Variants in ANTXR2 observed in about 807,000 individuals in gnomAD.
The protein encoded by ANTXR2 is ANTXR cell adhesion molecule 2.
Under a neutral mutation model 73.7 loss-of-function variants are expected in ANTXR2, and 44 were observed. The ratio of observed to expected loss-of-function variants is 0.60; its 90% CI spans 0.47 to 0.77. The LOEUF (loss-of-function observed/expected upper bound fraction) is 0.77, where lower values mean the gene tolerates loss of function less well. Ranked by LOEUF, ANTXR2 falls within the 30% of genes least tolerant of loss-of-function variation. The pLI, the probability that ANTXR2 is intolerant of heterozygous loss-of-function variation, is 0.00. For missense variants in ANTXR2, 604 were observed against 592.5 expected, an observed-to-expected ratio of 1.02 and a Z score of -0.20; for synonymous variants, 217 against 205.9, an observed-to-expected ratio of 1.05 and a Z score of -0.46.
At chr4:80,055,533 A>G (rs551103528) in intron 4 of ANTXR2, 66 bp from the exon 5 acceptor site, 6 of 1,342,766 alleles carry the variant, frequency 4.5e-6, no homozygotes, top group African/African-American at 1.5e-5. Flanking sequence ...ATGTTCCATC[A>G]AGCTGAATTT....
intron 10 of ANTXR2, among the ~76,000 whole-genome samples, chr4:80,031,263 CATGCACACACATGT>C (rs934648409): frequency 1.6e-5 from 1 of 61,278 alleles, no homozygotes; most frequent in Non-Finnish European, 5.3e-5. Flanking sequence ...TGGGTGTGTG[CATGCACACACATGT>C]GTGTGCGTGT....
At chr4:80,067,019 C>T (rs1326299942) in intron 3 of ANTXR2, among the ~76,000 whole-genome samples, 1 of 152,120 alleles carries the variant, frequency 6.6e-6, no homozygotes, top group Non-Finnish European at 1.5e-5. Context: ...TCCCGGCTAA[C>T]ACGGTGAAAC....
At chr4:80,044,833 A>G (rs1056419814) in intron 7 of ANTXR2, among the ~76,000 whole-genome samples, 1 of 151,918 alleles carries the variant, frequency 6.6e-6, no homozygotes, top group Non-Finnish European at 1.5e-5. Context: ...CTAATATAAA[A>G]AGTATATAGC....
intron 11 of ANTXR2, among the ~76,000 whole-genome samples, chr4:80,012,371 G>GA (rs897435787): frequency 1.1e-4 from 17 of 151,188 alleles, no homozygotes; most frequent in African/African-American, 3.9e-4. Context: ...ACATAAAGCT[G>GA]AAAAAATCAA....
chr4:80,003,103 T>C lies in ANTXR2; in HGVS notation c.1041+5418A>G, dbSNP rs556265101. ...TATAAATCAGGCTGCTATAAAGACA[T>C]ATGCACACGTATGTTTATTGCGGCA... On this transcript the variant is annotated intron_variant, in intron 12 of 16. Coordinates refer to ENST00000403729, the MANE Select transcript of ANTXR2 (RefSeq NM_058172.6). Among the ~76,000 whole-genome samples, 25 of 151,992 alleles carry C rather than the reference T, an allele frequency of 1.6e-4. No homozygotes were observed. In the South Asian group the frequency reaches 1.7e-3, roughly 10 times the overall value.
chr4:79,956,006 A>G (rs971159401), intron 16 of ANTXR2, among the ~76,000 whole-genome samples: 1 of 152,108 alleles, frequency 6.6e-6, no homozygotes, highest in African/African-American at 2.4e-5. Context: ...GTGCTTTTGA[A>G]CACGCTTGTC....
intron 7 of ANTXR2, among the ~76,000 whole-genome samples, chr4:80,050,831 C>T (rs1482865487): frequency 6.6e-6 from 1 of 151,640 alleles, no homozygotes; most frequent in Non-Finnish European, 1.5e-5. Flanking sequence ...GAGTACTCTT[C>T]CTAAACCTGC....
intron 7 of ANTXR2, among the ~76,000 whole-genome samples, chr4:80,053,118 ATCC>A (rs1196647206): frequency 2.0e-5 from 3 of 151,686 alleles, no homozygotes; most frequent in African/African-American, 4.8e-5. Context: ...GGGTCAAATT[ATCC>A]TCCTTTTTAC....
rs962170920 is a variant in ANTXR2 at position 79,902,389 on chromosome 4, A to G, written c.*5040T>C. Reference sequence around the variant, plus strand: ...TACTTGCTATGGGTAGCACAGGCATAGTAACTGTCAATTAAGACTTTTTTT... The same window carrying G: ...TACTTGCTATGGGTAGCACAGGCATGGTAACTGTCAATTAAGACTTTTTTT... On this transcript the variant is annotated 3_prime_UTR_variant, in exon 17 of 17. Transcript: ENST00000403729. 6.6e-6 allele frequency: 1 copy of G among 152,180 alleles called. No individual in the cohort carries two copies. Among genetic ancestry groups the G allele is most frequent in the African/African-American group, 2.4e-5 (1 of 41,458 alleles). 9.4% of individuals were successfully genotyped at this position (152,180 alleles called of 1,614,324 possible). A position where few individuals can be genotyped will look rare whatever the true frequency, so the allele number is the denominator to read the frequency against.
At chr4:79,965,189 A>C (rs1323248002) in intron 16 of ANTXR2, 1 of 152,252 alleles carries the variant, frequency 6.6e-6, no homozygotes, top group African/African-American at 2.4e-5. Context: ...AGGAACGCTG[A>C]TTTGTTTATA....
intron 12 of ANTXR2, among the ~76,000 whole-genome samples, chr4:80,008,103 C>G (rs911614653): frequency 2.6e-5 from 4 of 151,996 alleles, no homozygotes; most frequent in African/African-American, 9.7e-5. Context: ...CAGTAGCAAA[C>G]AGAGAAGGTC....
chr4:79,936,211 A>T (rs1417048086), intron 16 of ANTXR2, among the ~76,000 whole-genome samples: 1 of 152,240 alleles, frequency 6.6e-6, no homozygotes, highest in Non-Finnish European at 1.5e-5. Flanking sequence ...TCACTATTAC[A>T]CAAGTACTAC....
intron 16 of ANTXR2, among the ~76,000 whole-genome samples, chr4:79,976,435 G>T (rs1729639210): frequency 6.7e-6 from 1 of 149,464 alleles, no homozygotes; most frequent in Non-Finnish European, 1.5e-5. Flanking sequence ...ACACTGACCA[G>T]GGTGCCATGT....
intron 14 of ANTXR2, among the ~76,000 whole-genome samples, chr4:79,982,600 G>T (rs868820164): frequency 6.6e-6 from 1 of 152,076 alleles, no homozygotes; most frequent in Non-Finnish European, 1.5e-5. Flanking sequence ...CAAACAACAA[G>T]AACTTGCCTA....
chr4:79,961,757 T>C (rs1401101132), intron 16 of ANTXR2, among the ~76,000 whole-genome samples: 1 of 152,162 alleles, frequency 6.6e-6, no homozygotes, highest in Non-Finnish European at 1.5e-5. Context: ...TCTTTCAGAG[T>C]GCCAAAGCTC....
At chr4:80,027,476 G>A (rs1732496704) in intron 10 of ANTXR2, among the ~76,000 whole-genome samples, 1 of 152,130 alleles carries the variant, frequency 6.6e-6, no homozygotes, top group African/African-American at 2.4e-5. Context: ...TCCACAGACA[G>A]TGACGTCCCA....
rs1295011402 is a variant in ANTXR2, at chr4:79,967,056, G to T, written c.1428+10565C>A. Among the ~76,000 whole-genome samples, 10 of 72,958 alleles carry T rather than the reference G, an allele frequency of 1.4e-4. 4 individuals are homozygous for T. The highest frequency in any genetic ancestry group is 3.4e-4 in the Non-Finnish European group (10 of 29,614). 47.9% of individuals were successfully genotyped at this position (72,958 alleles called of 152,430 possible). ...CCAGACAGTGGGCGCAGGCCAGTGT[G>T]TGTGCGCACCGTGCGCGAGCCGAAG... On this transcript the variant is annotated intron_variant, in intron 16 of 16. Transcript: ENST00000403729.
chr4:79,919,074 T>C (rs1431623020), intron 16 of ANTXR2, among the ~76,000 whole-genome samples: 8 of 151,170 alleles, frequency 5.3e-5, no homozygotes, highest in Non-Finnish European at 7.4e-5. Context: ...AGATAGAACA[T>C]AGAAGAAAAA....
At chr4:80,062,148 G>C (rs72867894) in intron 3 of ANTXR2, among the ~76,000 whole-genome samples, 1,612 of 152,190 alleles carry the variant, frequency 0.011, 27 homozygotes, top group African/African-American at 0.036. Flanking sequence ...CATAGGCCAA[G>C]GCTTCTGTGG....
Sources: allele counts gnomAD v4.1 joint callset (sites outside exome capture counted in the v4.1 genomes callset), GRCh38; gene constraint gnomAD v4.1.1; transcripts MANE v1.5; gene names NCBI Gene and HGNC (gene_info 2026-07-23, HGNC 2026-07-21).